Variants in MICU1 observed in about 807,000 individuals in gnomAD.
The protein encoded by MICU1 is mitochondrial calcium uptake 1.
Under a neutral mutation model 56.8 loss-of-function variants are expected in MICU1, and 45 were observed. That is an observed-to-expected ratio of 0.79 (90% CI 0.62 to 1.02). The LOEUF (loss-of-function observed/expected upper bound fraction) is 1.02, where lower values mean the gene tolerates loss of function less well. MICU1 is among the 50% of genes least tolerant of loss of function. The pLI is 0.00. For synonymous variants in MICU1, 186 were observed against 195.1 expected (o/e 0.95, Z 0.39); for missense variants, 504 against 587.1 (o/e 0.86, Z 1.46).
At position 72,369,904 on chromosome 10, in the gene MICU1, G is replaced by A. The variant is rs376410281; in HGVS notation, c.1271-1549C>T. ...TTGTACATATATATTTTTTTGAGAC[G>A]GAGTCTCACTCTGTCACCCAGGCTG... On this transcript the variant is annotated intron_variant, in intron 11 of 11. Transcript: ENST00000361114. Among the ~76,000 whole-genome samples, 63 of 151,642 alleles carry A rather than the reference G, an allele frequency of 4.2e-4. 1 individual carries two copies. The highest frequency in any genetic ancestry group is 1.3e-3 in the African/African-American group (54 of 41,312).
rs1863171110 is a variant in MICU1 at position 72,394,173 on chromosome 10, G to C, written c.1180+13756C>G. Reference sequence around the variant, plus strand: ...CATGCCTGTAATCATGCCTGACTTAGAGCCCAGCTGGATAATCTAGGATGA... The same window carrying C: ...CATGCCTGTAATCATGCCTGACTTACAGCCCAGCTGGATAATCTAGGATGA... On this transcript the variant is annotated intron_variant, in intron 10 of 11. Coordinates refer to ENST00000361114, the MANE Select transcript of MICU1 (RefSeq NM_001195518.2). Among the ~76,000 whole-genome samples the C allele has an allele frequency of 2.0e-5, 3 of 152,046 alleles. No individual in the cohort carries two copies. The South Asian group carries it at 6.2e-4, about 32-fold the overall frequency.
rs139263897 is a variant in MICU1, at chr10:72,487,034, G to C, written c.653-9778C>G. On this transcript the variant is annotated intron_variant, in intron 6 of 11. Coordinates refer to ENST00000361114, the MANE Select transcript of MICU1 (RefSeq NM_001195518.2). ...AAACATTAAATTTATGGTGAAGCTT[G>C]GGTGAAATCACTGATGCTTTATGAA... is the stretch of plus-strand genomic sequence containing the variant. Among the ~76,000 whole-genome samples, 552 of 152,290 alleles carry C rather than the reference G, an allele frequency of 3.6e-3. 2 individuals carry two copies. The highest frequency in any genetic ancestry group is 0.013 in the African/African-American group (528 of 41,564).
intron 6 of MICU1, among the ~76,000 whole-genome samples, chr10:72,506,415 G>T (rs751043196): frequency 4.6e-5 from 7 of 152,074 alleles, no homozygotes; most frequent in Middle Eastern, 3.2e-3. Context: ...ACCAATGCAG[G>T]TCTCTTCATT....
chr10:72,525,266 GA>G, intron 5 of MICU1, among the ~76,000 whole-genome samples: 1 of 152,078 alleles, frequency 6.6e-6, no homozygotes, highest in Admixed American at 6.5e-5. Flanking sequence ...TGGTTTTAAA[GA>G]TTTTTTTCAA....
intron 5 of MICU1, among the ~76,000 whole-genome samples, chr10:72,520,510 C>A (rs59382184): frequency 0.037 from 5,595 of 152,128 alleles, 321 homozygotes; most frequent in African/African-American, 0.13. Context: ...GGTAATATCG[C>A]ATTTGAGGCA....
chr10:72,502,267 G>A (rs1867101850), intron 6 of MICU1, among the ~76,000 whole-genome samples: 1 of 149,788 alleles, frequency 6.7e-6, no homozygotes, highest in Admixed American at 6.7e-5. Context: ...CAATTTTCCT[G>A]CCTCAGCCTC....
At chr10:72,529,070 T>C (rs922806019) in intron 5 of MICU1, among the ~76,000 whole-genome samples, 1 of 152,250 alleles carries the variant, frequency 6.6e-6, no homozygotes, top group Admixed American at 6.5e-5. Context: ...GACTATACTT[T>C]TATCTCTTTA....
intron 1 of MICU1, among the ~76,000 whole-genome samples, chr10:72,578,256 G>A (rs1346622377): frequency 1.3e-5 from 2 of 151,670 alleles, no homozygotes; most frequent in African/African-American, 4.8e-5. Flanking sequence ...CCATTTTTTA[G>A]CAATAAAGAT....
intron 9 of MICU1, among the ~76,000 whole-genome samples, chr10:72,422,390 G>A (rs546074766): frequency 5.9e-5 from 9 of 152,334 alleles, no homozygotes; most frequent in Admixed American, 5.9e-4. Flanking sequence ...CACCCAGTCT[G>A]TGGTATGTTG....
intron 4 of MICU1, among the ~76,000 whole-genome samples, chr10:72,543,673 G>A (rs1564927389): frequency 6.6e-6 from 1 of 152,146 alleles, no homozygotes; most frequent in Non-Finnish European, 1.5e-5. Flanking sequence ...GGCTAACACG[G>A]TGAAACCCCA....
At chr10:72,563,827 C>T (rs1840358443) in intron 2 of MICU1, among the ~76,000 whole-genome samples, 1 of 152,148 alleles carries the variant, frequency 6.6e-6, no homozygotes, top group African/African-American at 2.4e-5. Flanking sequence ...TGTTCTTCAT[C>T]TCACTCCAAC....
rs776556676 is a variant in MICU1, at chr10:72,611,571, A to G, written c.-2+14439T>C. Among the ~76,000 whole-genome samples, 8 of 151,988 alleles carry G rather than the reference A, an allele frequency of 5.3e-5. No individual in the cohort carries two copies. The East Asian group carries it at 5.8e-4, about 11-fold the overall frequency. ...GGGCGGCAGAGATTGCAGTGACTCC[A>G]TCTCAAAAAAAAGAAAAAGAAAAAA... is the stretch of plus-strand genomic sequence containing the variant. On this transcript the variant is annotated intron_variant, in intron 1 of 11. Coordinates refer to ENST00000361114, the MANE Select transcript of MICU1 (RefSeq NM_001195518.2).
At chr10:72,445,300 C>T (rs1865071408) in intron 8 of MICU1, among the ~76,000 whole-genome samples, 1 of 152,054 alleles carries the variant, frequency 6.6e-6, no homozygotes, top group Non-Finnish European at 1.5e-5. Context: ...GGTAAGGTTG[C>T]CTTTCTTCTG....
chr10:72,423,696 G>A (rs540293534), intron 8 of MICU1, among the ~76,000 whole-genome samples: 1 of 152,050 alleles, frequency 6.6e-6, no homozygotes. Flanking sequence ...TATGGTTAAC[G>A]GAACAGATGG....
chr10:72,618,420 C>A (rs892676248), intron 1 of MICU1, among the ~76,000 whole-genome samples: 7 of 152,010 alleles, frequency 4.6e-5, no homozygotes, highest in Non-Finnish European at 1.0e-4. Flanking sequence ...TGCACTTAAC[C>A]ATTATGCTTC....
chr10:72,591,751 G>A (rs986642650), intron 1 of MICU1, among the ~76,000 whole-genome samples: 2 of 152,064 alleles, frequency 1.3e-5, no homozygotes, highest in South Asian at 2.1e-4. Context: ...GGCCAGGTGC[G>A]GTGGCTCACG....
At chr10:72,596,382 G>A (rs889053316) in intron 1 of MICU1, among the ~76,000 whole-genome samples, 1 of 152,030 alleles carries the variant, frequency 6.6e-6, no homozygotes, top group African/African-American at 2.4e-5. Context: ...AGGCTACAGG[G>A]ACTCCTGATC....
At chr10:72,598,713 T>C (rs1841443329) in intron 1 of MICU1, among the ~76,000 whole-genome samples, 3 of 152,144 alleles carry the variant, frequency 2.0e-5, no homozygotes, top group South Asian at 4.1e-4. Context: ...GTCCGGATTA[T>C]TTTTACTAGA....
At chr10:72,461,542 T>C (rs993909554) in intron 8 of MICU1, among the ~76,000 whole-genome samples, 1 of 152,252 alleles carries the variant, frequency 6.6e-6, no homozygotes, top group Non-Finnish European at 1.5e-5. Flanking sequence ...TATTTCTTGT[T>C]CATTTATCCT....
Sources: allele counts gnomAD v4.1 joint callset (sites outside exome capture counted in the v4.1 genomes callset), GRCh38; gene constraint gnomAD v4.1.1; transcripts MANE v1.5; gene names NCBI Gene and HGNC (gene_info 2026-07-23, HGNC 2026-07-21).